The following ZNF451 variants were observed in gnomAD, a reference collection of about 807,000 sequenced individuals.
ZNF451 encodes zinc finger protein 451, also known as E3 SUMO-protein ligase ZNF451.
A neutral mutation model predicts 107.1 loss-of-function variants in ZNF451; 80 were observed. The observed-to-expected ratio is 0.75, with a 90% CI of 0.62 to 0.90. ZNF451 has a LOEUF of 0.90. Among genes scored for constraint, ZNF451 ranks in the 40% least tolerant of loss-of-function variants. The probability of loss-of-function intolerance (pLI) is 0.00; values close to 1 mark genes in which losing one functional copy is unlikely to be tolerated. For missense variants in ZNF451, 1,107 were observed against 1,236.2 expected (o/e 0.90, Z 1.57); for synonymous variants, 362 against 406.5 (o/e 0.89, Z 1.32).
chr6:57,102,645 A>G (rs993068772), intron 3 of ZNF451: 49 of 985,614 alleles, frequency 5.0e-5, no homozygotes, highest in Middle Eastern at 5.2e-4. Context: ...CCGTACTACT[A>G]TCAAGCTCTG....
At chr6:57,110,127 G>A (rs1382175885) in intron 3 of ZNF451, among the ~76,000 whole-genome samples, 1 of 152,330 alleles carries the variant, frequency 6.6e-6, no homozygotes, top group South Asian at 2.1e-4. Flanking sequence ...AGTTGGCCTG[G>A]TGGAGAAACA....
intron 12 of ZNF451, among the ~76,000 whole-genome samples, chr6:57,153,624 G>T (rs1832451589): frequency 6.6e-6 from 1 of 152,012 alleles, no homozygotes; most frequent in Non-Finnish European, 1.5e-5. Context: ...TGTTGGCCGG[G>T]CTGGTCTCGA....
chr6:57,155,986 T>G (rs1234844815), intron 13 of ZNF451, among the ~76,000 whole-genome samples: 2 of 152,170 alleles, frequency 1.3e-5, no homozygotes, highest in African/African-American at 4.8e-5. Context: ...TGCTGTTTCC[T>G]AGCAGCGCGA....
chr6:57,148,120 G>A lies in ZNF451; in HGVS notation c.2035G>A (p.Glu679Lys), dbSNP rs1198694330. The A allele has an allele frequency of 6.2e-7, 1 of 1,614,032 alleles. No homozygotes were observed. The highest frequency in any genetic ancestry group is 1.1e-5 in the South Asian group (1 of 91,072). The change falls in exon 10 of 15, where the codon GAA (glutamate) becomes AAA (lysine). Residue 679 changes from glutamate (E) to lysine (K), a missense_variant. Around this residue, in one of 5 missense-constraint regions of ZNF451, gnomAD observed 608 missense variants for 649.2 expected, o/e 0.94. Transcript: ENST00000370706. ...CGLCDLIFNV[E>K]EAFLSHYEEH... ...GCTTTGTGATCTTATCTTTAATGTGGAAGAAGCATTTCTGAGTCATTATGA... is the reference window on the plus strand; with the variant it reads ...GCTTTGTGATCTTATCTTTAATGTGAAAGAAGCATTTCTGAGTCATTATGA...
intron 2 of ZNF451, among the ~76,000 whole-genome samples, chr6:57,093,377 G>T (rs552620690): frequency 6.6e-6 from 1 of 152,286 alleles, no homozygotes; most frequent in East Asian, 1.9e-4. Flanking sequence ...TAATACTTTA[G>T]CTGCAGAAGG....
intron 3 of ZNF451, among the ~76,000 whole-genome samples, chr6:57,117,092 A>C (rs1830409777): frequency 6.6e-6 from 1 of 152,220 alleles, no homozygotes; most frequent in Non-Finnish European, 1.5e-5. Flanking sequence ...CAGAATTAGT[A>C]GAGAATAACA....
At position 57,147,589 on chromosome 6, in the gene ZNF451, G is replaced by A; in HGVS notation, c.1504G>A (p.Val502Ile). ...SANTMGYKCVVCGKVCDDSGV... is the reference protein window; with the variant it reads ...SANTMGYKCVICGKVCDDSGV... Reference sequence around the variant, plus strand: ...AAACACAATGGGTTATAAATGTGTGGTCTGTGGAAAGGTATGTGATGATTC... The same window carrying A: ...AAACACAATGGGTTATAAATGTGTGATCTGTGGAAAGGTATGTGATGATTC... The change falls in exon 10 of 15, where the codon GTC (valine) becomes ATC (isoleucine). Residue 502 changes from valine (V) to isoleucine (I), a missense_variant. Coordinates refer to ENST00000370706, the MANE Select transcript of ZNF451 (RefSeq NM_001031623.3). 1 of 1,614,116 alleles carries A rather than the reference G, an allele frequency of 6.2e-7. No homozygotes were observed. Among genetic ancestry groups the A allele is most frequent in the Non-Finnish European group, 8.5e-7 (1 of 1,179,990 alleles).
intron 7 of ZNF451, among the ~76,000 whole-genome samples, chr6:57,139,678 G>A (rs987817127): frequency 6.6e-6 from 1 of 152,142 alleles, no homozygotes; most frequent in Admixed American, 6.6e-5. Context: ...TTAAGGTAGA[G>A]GAGGCTCTTA....
chr6:57,146,434 T>C (rs748445646), intron 9 of ZNF451, among the ~76,000 whole-genome samples: 3 of 152,162 alleles, frequency 2.0e-5, no homozygotes, highest in Non-Finnish European at 4.4e-5. Context: ...TCTTGAGTTA[T>C]TTTTTGTATA....
At chr6:57,101,850 CT>C in intron 3 of ZNF451, 1 of 1,550,572 alleles carries the variant, frequency 6.4e-7, no homozygotes, top group Non-Finnish European at 8.7e-7. Flanking sequence ...CCCACTTGCC[CT>C]TTGATGGTAC....
intron 3 of ZNF451, chr6:57,105,839 T>A: frequency 1.0e-6 from 1 of 985,310 alleles, no homozygotes; most frequent in Non-Finnish European, 1.2e-6. Flanking sequence ...ACTTTTATCT[T>A]TTTTTAAAAG....
At chr6:57,111,110 G>A (rs1314847414) in intron 3 of ZNF451, among the ~76,000 whole-genome samples, 6 of 151,790 alleles carry the variant, frequency 4.0e-5, no homozygotes, top group African/African-American at 1.2e-4. Context: ...TAGTAGAGAT[G>A]GGGTTTTGCC....
intron 3 of ZNF451, among the ~76,000 whole-genome samples, chr6:57,113,620 ATT>A (rs869045366): frequency 1.4e-4 from 19 of 137,194 alleles, no homozygotes; most frequent in Non-Finnish European, 1.6e-4. Context: ...AGAAAAAAAA[ATT>A]TTTTTTTTTT....
In ZNF451 at chr6:57,169,719, T is replaced by C. The variant is rs1323295101; in HGVS notation, c.*1250T>C. 3 of 152,200 alleles carry C rather than the reference T, an allele frequency of 2.0e-5. No individual in the cohort carries two copies. Among genetic ancestry groups the C allele is most frequent in the Non-Finnish European group, 4.4e-5 (3 of 68,038 alleles). The allele number at this position is 152,200 out of a possible 1,614,324, so 9.4% of individuals were successfully genotyped here. ...AATTTGTGTTTTTAATTTCTTGATA[T>C]GTCACTTCTGTTCCTCCCTGCTTGC... is the stretch of plus-strand genomic sequence containing the variant. On this transcript the variant is annotated 3_prime_UTR_variant, in exon 15 of 15. Transcript: ENST00000370706.
intron 7 of ZNF451, among the ~76,000 whole-genome samples, chr6:57,138,733 A>ATG (rs1424146625): frequency 2.1e-4 from 23 of 111,058 alleles, no homozygotes; most frequent in Admixed American, 8.5e-4. Context: ...ATATATATAT[A>ATG]TATATATATG....
chr6:57,138,867 A>G (rs1208491476), intron 7 of ZNF451, among the ~76,000 whole-genome samples: 1 of 147,792 alleles, frequency 6.8e-6, no homozygotes, highest in Non-Finnish European at 1.5e-5. Flanking sequence ...AGCCTCCTTA[A>G]GTGCTGGGAT....
At position 57,138,771 on chromosome 6, in the gene ZNF451, GTGTGTATA is replaced by G. The variant is rs1367872167; in HGVS notation, c.703-2529_703-2522del. Among the ~76,000 whole-genome samples the G allele has an allele frequency of 4.3e-4, 54 of 124,322 alleles. 1 individual carries two copies. The highest frequency in any genetic ancestry group is 4.3e-3 in the Middle Eastern group (1 of 230). 81.6% of individuals were successfully genotyped at this position (124,322 alleles called of 152,430 possible). Reference sequence around the variant, plus strand: ...TGTGTGTGTGTGTGTGTGTGTGTGTGTGTGTATATATATATATAAAATTTTTTTTTTTT... The same window carrying G: ...TGTGTGTGTGTGTGTGTGTGTGTGTGTATATATATAAAATTTTTTTTTTTT... On this transcript the variant is annotated intron_variant, in intron 7 of 14. Transcript: ENST00000370706.
In ZNF451 at chr6:57,148,064, A is replaced by G; in HGVS notation, c.1979A>G (p.Asp660Gly). Reference protein sequence around the residue: ...TLYRHCQDEHDNEIKIKYFCG... With the variant: ...TLYRHCQDEHGNEIKIKYFCG... ...TACCGACATTGCCAAGATGAGCATG[A>G]CAATGAGATAAAGATTAAATACTTC... The change falls in exon 10 of 15, where the codon GAC becomes GGC. Residue 660 changes from aspartate (D) to glycine (G), a missense_variant. Around this residue, in one of 5 missense-constraint regions of ZNF451, gnomAD observed 608 missense variants for 649.2 expected, o/e 0.94. Transcript: ENST00000370706. The G allele has an allele frequency of 1.2e-6, 2 of 1,614,132 alleles. No individual in the cohort carries two copies. Among genetic ancestry groups the G allele is most frequent in the African/African-American group, 1.3e-5 (1 of 75,068 alleles).
intron 7 of ZNF451, among the ~76,000 whole-genome samples, chr6:57,138,733 ATATATATATGTGTG>A (rs1407748196): frequency 4.5e-5 from 5 of 111,086 alleles, no homozygotes; most frequent in African/African-American, 1.8e-4. Flanking sequence ...ATATATATAT[ATATATATATGTGTG>A]TGTGTGTGTG....
Sources: gnomAD v4.1 joint callset for allele counts (sites outside exome capture counted in the v4.1 genomes callset) on GRCh38, gnomAD v4.1.1 for gene constraint, gnomAD v4.1.1 regional missense constraint, MANE v1.5 for transcripts, NCBI Gene and HGNC (gene_info 2026-07-23, HGNC 2026-07-21) for gene names.